CWF19L2: variants seen among roughly 807,000 people sequenced by gnomAD.
CWF19L2 encodes CWF19-like protein 2.
A neutral mutation model predicts 111.7 loss-of-function variants in CWF19L2; 98 were observed. The observed-to-expected ratio is 0.88, with a 90% confidence interval of 0.75 to 1.04. The LOEUF is 1.04. CWF19L2 is among the 50% of genes least tolerant of loss of function. The probability of loss-of-function intolerance (pLI) is 0.00; values close to 1 mark genes in which losing one functional copy is unlikely to be tolerated. For missense variants in CWF19L2, 1,101 were observed against 1,051.4 expected (o/e 1.05, Z -0.65); for synonymous variants, 351 against 342.9 (o/e 1.02, Z -0.26).
chr11:107,386,973 G>A (rs1033046110), intron 12 of CWF19L2, among the ~76,000 whole-genome samples: 2 of 151,606 alleles, frequency 1.3e-5, no homozygotes, highest in African/African-American at 4.9e-5. Flanking sequence ...AGAATCGCTT[G>A]AACCCAGAAG....
rs1052291802 is a variant in CWF19L2 at position 107,371,389 on chromosome 11, A to G, written c.1873-17653T>C. On this transcript the variant is annotated intron_variant, in intron 12 of 17. Coordinates refer to ENST00000282251, the MANE Select transcript of CWF19L2 (RefSeq NM_152434.3). ...AATTCCTACCTGAATTCCTTGATAG[A>G]AAAGAGATAAGGATAGGAATTAGAA... Among the ~76,000 whole-genome samples the G allele has an allele frequency of 6.5e-5, 9 of 137,860 alleles. 3 individuals are homozygous for G. The highest frequency in any genetic ancestry group is 2.6e-4 in the African/African-American group (9 of 34,632). 90.4% of individuals were successfully genotyped at this position (137,860 alleles called of 152,430 possible).
chr11:107,394,145 A>T (rs1860888311), intron 10 of CWF19L2, among the ~76,000 whole-genome samples: 1 of 152,322 alleles, frequency 6.6e-6, no homozygotes, highest in East Asian at 1.9e-4. Flanking sequence ...CTATAGAAAA[A>T]ATCAATCCCA....
chr11:107,343,427 C>A (rs1295804203), intron 14 of CWF19L2, among the ~76,000 whole-genome samples: 1 of 151,912 alleles, frequency 6.6e-6, no homozygotes, highest in Non-Finnish European at 1.5e-5. Flanking sequence ...TAAATGCTTT[C>A]TTTTCATTAA....
chr11:107,442,720 GAA>G (rs766330389), intron 4 of CWF19L2, among the ~76,000 whole-genome samples: 3,917 of 111,626 alleles, frequency 0.035, 54 homozygotes, highest in Middle Eastern at 0.059. Context: ...GAGAGAGAGA[GAA>G]AGAGAAAGAA....
At chr11:107,388,373 A>G (rs1021280188) in intron 12 of CWF19L2, among the ~76,000 whole-genome samples, 3 of 151,980 alleles carry the variant, frequency 2.0e-5, no homozygotes, top group Non-Finnish European at 4.4e-5. Flanking sequence ...TGTTGAACTG[A>G]CAAATGGCTA....
intron 2 of CWF19L2, 96 bp downstream of exon 2, chr11:107,455,570 T>G (rs1408955281): frequency 4.4e-6 from 3 of 688,646 alleles, no homozygotes; most frequent in Non-Finnish European, 7.1e-6. Context: ...TTGTAACTTA[T>G]GAAAACATTC....
At chr11:107,424,183 CTTTTT>C (rs11291377) in intron 8 of CWF19L2, among the ~76,000 whole-genome samples, 1 of 145,866 alleles carries the variant, frequency 6.9e-6, no homozygotes, top group Non-Finnish European at 1.5e-5. Flanking sequence ...ACATTTCCCT[CTTTTT>C]TTTTTTTAAC....
chr11:107,407,603 G>A (rs183588334), intron 10 of CWF19L2, among the ~76,000 whole-genome samples: 1 of 150,190 alleles, frequency 6.7e-6, no homozygotes, highest in Non-Finnish European at 1.5e-5. Flanking sequence ...GAGCATTTGA[G>A]GGAATAGAAG....
chr11:107,428,495 A>G (rs184725016), intron 8 of CWF19L2, among the ~76,000 whole-genome samples: 1 of 152,266 alleles, frequency 6.6e-6, no homozygotes, highest in Admixed American at 6.5e-5. Context: ...AAAATCTACC[A>G]AAATATCTCC....
At chr11:107,390,575 G>C (rs1326579164) in intron 11 of CWF19L2, among the ~76,000 whole-genome samples, 1 of 152,178 alleles carries the variant, frequency 6.6e-6, no homozygotes, top group Non-Finnish European at 1.5e-5. Flanking sequence ...TCCAGAAATG[G>C]AGTAAGTATA....
At chr11:107,329,892 G>T in intron 17 of CWF19L2, 26 bp downstream of exon 17, 1 of 1,482,308 alleles carries the variant, frequency 6.7e-7, no homozygotes, top group Non-Finnish European at 9.1e-7. Flanking sequence ...GCTAACTCTG[G>T]GATTTTATCA....
chr11:107,403,787 TC>T, intron 10 of CWF19L2: 1 of 876,730 alleles, frequency 1.1e-6, no homozygotes, highest in Non-Finnish European at 1.9e-6. Flanking sequence ...TGCAACTTTC[TC>T]CATATCCACT....
At chr11:107,442,724 G>A (rs1004017472) in intron 4 of CWF19L2, among the ~76,000 whole-genome samples, 39 of 118,982 alleles carry the variant, frequency 3.3e-4, no homozygotes, top group African/African-American at 8.1e-4. Flanking sequence ...GAGAGAGAAA[G>A]AGAAAGAAAG....
At position 107,429,291 on chromosome 11, in the gene CWF19L2, G is replaced by T; in HGVS notation, c.941C>A (p.Ser314Ter). 1 of 1,612,814 alleles carries T rather than the reference G, an allele frequency of 6.2e-7. No individual in the cohort carries two copies. Among genetic ancestry groups the T allele is most frequent in the South Asian group, 1.1e-5 (1 of 91,012 alleles). Residue 314 changes from serine to a stop codon, truncating the protein, a stop_gained, in exon 8 of 18, where the codon TCA becomes TAA. Coordinates refer to ENST00000282251, the MANE Select transcript of CWF19L2 (RefSeq NM_152434.3). LOFTEE classifies it high-confidence loss of function. ...ATCTGTTGTAGCATATCTATCCCTTGAACTGTTACCATATTTTACTAAGTC... is the reference window on the plus strand; with the variant it reads ...ATCTGTTGTAGCATATCTATCCCTTTAACTGTTACCATATTTTACTAAGTC... ...ESDLVKYGNS[S>*]RDRYATTDTA...
chr11:107,422,300 A>G (rs1181966980), intron 8 of CWF19L2, among the ~76,000 whole-genome samples: 1 of 152,066 alleles, frequency 6.6e-6, no homozygotes, highest in Admixed American at 6.6e-5. Flanking sequence ...ATTTTCATAC[A>G]TGTGGGTTCC....
intron 11 of CWF19L2, among the ~76,000 whole-genome samples, chr11:107,392,258 T>G (rs1218873792): frequency 6.6e-6 from 1 of 152,184 alleles, no homozygotes; most frequent in South Asian, 2.1e-4. Flanking sequence ...AAAACTAACT[T>G]GAGAAAGCTG....
intron 12 of CWF19L2, among the ~76,000 whole-genome samples, 197 bp from the exon 13 acceptor site, chr11:107,353,933 G>T (rs994704252): frequency 1.1e-4 from 16 of 152,058 alleles, no homozygotes; most frequent in African/African-American, 3.9e-4. Flanking sequence ...AAAGTTTACT[G>T]AATATTTACT....
At chr11:107,390,334 T>C (rs1042736802) in intron 11 of CWF19L2, 123 bp from the exon 12 acceptor site, 1 of 787,338 alleles carries the variant, frequency 1.3e-6, no homozygotes, top group Non-Finnish European at 1.9e-6. Context: ...AACCTTTCCT[T>C]CCAGTTTATC....
intron 6 of CWF19L2, among the ~76,000 whole-genome samples, chr11:107,437,966 C>T (rs988313577): frequency 6.6e-6 from 1 of 152,008 alleles, no homozygotes; most frequent in Admixed American, 6.5e-5. Flanking sequence ...ACTATAGTTA[C>T]TATTACATAA....
Sources: allele counts gnomAD v4.1 joint callset (sites outside exome capture counted in the v4.1 genomes callset), GRCh38; gene constraint gnomAD v4.1.1; transcripts MANE v1.5; gene names NCBI Gene and HGNC (gene_info 2026-07-23, HGNC 2026-07-21).